Variants in SPEF2 observed in about 807,000 individuals in gnomAD.
SPEF2 encodes sperm flagellar and cilia associated 2, also known as sperm flagella and cilia-associated protein 2.
SPEF2 carries 187 observed loss-of-function variants against 224.6 expected under a neutral mutation model. The observed-to-expected ratio is 0.83, with a 90% CI of 0.74 to 0.94. The LOEUF is 0.94. Ranked by LOEUF, SPEF2 falls within the 40% of genes least tolerant of loss-of-function variation. The probability of loss-of-function intolerance (pLI) is 0.00; values close to 1 mark genes in which losing one functional copy is unlikely to be tolerated. For missense variants in SPEF2, 2,170 were observed against 2,135.6 expected, an observed-to-expected ratio of 1.02 and a Z score of -0.32; for synonymous variants, 715 against 707.3, an observed-to-expected ratio of 1.01 and a Z score of -0.17.
At chr5:35,758,583 A>G (rs1452796053) in intron 24 of SPEF2, among the ~76,000 whole-genome samples, 2 of 152,180 alleles carry the variant, frequency 1.3e-5, no homozygotes, top group African/African-American at 4.8e-5. Context: ...CTGGGTTGCT[A>G]CATTTTTCAC....
chr5:35,630,131 C>G (rs939762732), intron 2 of SPEF2, among the ~76,000 whole-genome samples: 2 of 152,162 alleles, frequency 1.3e-5, no homozygotes, highest in African/African-American at 4.8e-5. Context: ...CCTTGGACAG[C>G]TCCGTCCCTG....
intron 19 of SPEF2, chr5:35,709,928 T>C (rs1740762570): frequency 7.1e-6 from 7 of 984,666 alleles, no homozygotes; most frequent in Non-Finnish European, 8.4e-6. Context: ...TTTGATACTG[T>C]GTCATGACCA....
At chr5:35,631,484 G>A (rs982653328) in intron 2 of SPEF2, among the ~76,000 whole-genome samples, 10 of 152,150 alleles carry the variant, frequency 6.6e-5, no homozygotes, top group African/African-American at 2.4e-4. Flanking sequence ...ATAAGGACAT[G>A]GAGAAATCAA....
At chr5:35,751,096 C>CACATATATATATATATAT (rs1554048857) in intron 23 of SPEF2, among the ~76,000 whole-genome samples, 6 of 30,582 alleles carry the variant, frequency 2.0e-4, no homozygotes, top group Non-Finnish European at 3.9e-4. Context: ...CACACACACA[C>CACATATATATATATATAT]ATATATATAT....
intron 33 of SPEF2, among the ~76,000 whole-genome samples, chr5:35,797,781 A>G (rs898067042): frequency 6.6e-6 from 1 of 152,220 alleles, no homozygotes; most frequent in African/African-American, 2.4e-5. Context: ...AGAATAAGAA[A>G]TACCAAATCG....
chr5:35,814,408 A>G lies in SPEF2; in HGVS notation c.5380-56A>G, dbSNP rs1452184657. The G allele has an allele frequency of 1.0e-5, 10 of 981,832 alleles. No homozygotes were observed. The East Asian group carries it at 2.5e-4, about 24-fold the overall frequency. The allele number at this position is 981,832 out of a possible 1,614,324, so 60.8% of individuals were successfully genotyped here. On this transcript the variant is annotated intron_variant, in intron 36 of 36. Coordinates refer to ENST00000356031, the MANE Select transcript of SPEF2 (RefSeq NM_024867.4). ...TCATTTATTAGTATTTGTATAGTAT[A>G]GTATTGATCATCCTTTATTAGTATT...
chr5:35,652,528 T>C (rs1005309979), intron 6 of SPEF2, among the ~76,000 whole-genome samples: 1 of 152,216 alleles, frequency 6.6e-6, no homozygotes, highest in African/African-American at 2.4e-5. Context: ...AGTGACAGAA[T>C]ACAATCAAAG....
At chr5:35,623,401 G>A (rs912843207) in intron 1 of SPEF2, among the ~76,000 whole-genome samples, 2 of 152,076 alleles carry the variant, frequency 1.3e-5, no homozygotes, top group African/African-American at 2.4e-5. Flanking sequence ...TTTCCTACTC[G>A]AGTAAAGGAG....
chr5:35,812,579 A>C (rs1758609353), intron 36 of SPEF2, among the ~76,000 whole-genome samples: 1 of 152,206 alleles, frequency 6.6e-6, no homozygotes, highest in Non-Finnish European at 1.5e-5. Context: ...TAAATGAATA[A>C]ACAATTTTCT....
chr5:35,783,126 C>T lies in SPEF2; in HGVS notation c.4447+3780C>T, dbSNP rs113586600. 2.9e-3 allele frequency among the ~76,000 whole-genome samples: 449 copies of T among 152,260 alleles called. 5 individuals carry two copies. The highest frequency in any genetic ancestry group is 0.01 in the African/African-American group (430 of 41,552). On this transcript the variant is annotated intron_variant, in intron 30 of 36. Transcript: ENST00000356031. The stretch of plus-strand genomic sequence containing the variant: ...ATCATTCCTATGAGCGTACTACCGG[C>T]AGAGTTAGATCTAGTGAATATTTTC...
At chr5:35,789,301 T>C (rs766720663) in intron 30 of SPEF2, 1 of 703,404 alleles carries the variant, frequency 1.4e-6, no homozygotes, top group South Asian at 1.5e-5. Flanking sequence ...TCAATAAGAA[T>C]AGAAATTCCT....
chr5:35,786,478 G>A (rs1300930061), intron 30 of SPEF2, among the ~76,000 whole-genome samples: 1 of 152,084 alleles, frequency 6.6e-6, no homozygotes, highest in Admixed American at 6.6e-5. Flanking sequence ...TGACCAATAT[G>A]GTGAAACCCC....
intron 30 of SPEF2, among the ~76,000 whole-genome samples, chr5:35,787,317 G>A (rs958940333): frequency 1.3e-5 from 2 of 150,742 alleles, no homozygotes; most frequent in African/African-American, 2.5e-5. Context: ...ACAGAAGGTA[G>A]GACTTAGGCA....
At chr5:35,727,556 AG>A in intron 20 of SPEF2, 118 bp from the exon 21 acceptor site, 1 of 784,322 alleles carries the variant, frequency 1.3e-6, no homozygotes, top group South Asian at 2.1e-5. Context: ...TCCTCAAAAA[AG>A]CTTAAAAAGT....
intron 2 of SPEF2, among the ~76,000 whole-genome samples, chr5:35,633,857 C>A (rs1163767747): frequency 6.6e-6 from 1 of 151,812 alleles, no homozygotes; most frequent in African/African-American, 2.4e-5. Flanking sequence ...TAATTTAAAT[C>A]AAACTATTCA....
intron 1 of SPEF2, among the ~76,000 whole-genome samples, chr5:35,625,174 C>T (rs372295194): frequency 2.6e-5 from 4 of 152,108 alleles, no homozygotes; most frequent in Admixed American, 2.6e-4. Context: ...AAGCTTCAGA[C>T]AGATATTTTG....
intron 33 of SPEF2, among the ~76,000 whole-genome samples, chr5:35,797,352 G>C (rs1451940045): frequency 1.3e-5 from 2 of 151,840 alleles, no homozygotes; most frequent in African/African-American, 4.8e-5. Flanking sequence ...GTGTGTGTGT[G>C]TGTGTGTGTG....
chr5:35,725,462 C>T (rs1003743696), intron 20 of SPEF2, among the ~76,000 whole-genome samples: 3 of 152,052 alleles, frequency 2.0e-5, no homozygotes, highest in African/African-American at 7.2e-5. Flanking sequence ...ATAAAGCAGA[C>T]TTTCCCTATC....
At chr5:35,799,181 A>C (rs1757083900) in intron 33 of SPEF2, among the ~76,000 whole-genome samples, 1 of 152,208 alleles carries the variant, frequency 6.6e-6, no homozygotes, top group South Asian at 2.1e-4. Context: ...CATTTTAAAA[A>C]GGTTCTCCAG....
Sources: allele counts gnomAD v4.1 joint callset (sites outside exome capture counted in the v4.1 genomes callset), GRCh38; gene constraint gnomAD v4.1.1; transcripts MANE v1.5; gene names NCBI Gene and HGNC (gene_info 2026-07-23, HGNC 2026-07-21).